Variants in GNB1L observed in about 807,000 individuals in gnomAD.
GNB1L encodes guanine nucleotide-binding protein subunit beta-like protein 1.
In GNB1L, 20 loss-of-function variants were observed where a neutral mutation model predicts 29.1. The observed-to-expected ratio is 0.69, with a 90% CI of 0.48 to 1.00. The LOEUF (loss-of-function observed/expected upper bound fraction) is 1.00. Among genes scored for constraint, GNB1L ranks in the 50% least tolerant of loss-of-function variants. The pLI is 0.00. For missense variants in GNB1L, 421 were observed against 464.9 expected (o/e 0.91, Z 0.87); for synonymous variants, 193 against 206.5 (o/e 0.93, Z 0.56).
rs1937642238 is a variant in GNB1L at position 19,828,831 on chromosome 22, TTTTC to T, written c.-20-7460_-20-7457del. Among the ~76,000 whole-genome samples, 6 of 149,798 alleles carry T rather than the reference TTTTC, an allele frequency of 4.0e-5. No homozygotes were observed. In the South Asian group the frequency reaches 1.3e-3, roughly 32 times the overall value. On this transcript the variant is annotated intron_variant, in intron 2 of 7. Transcript: ENST00000329517. ...ATTGGAGAATATGACATACTACTCT[TTTTC>T]TTTTTTTTTTTTTTGAGACAGAATC...
chr22:19,847,270 G>A (rs1190212250), intron 2 of GNB1L: 17 of 984,216 alleles, frequency 1.7e-5, no homozygotes, highest in South Asian at 4.7e-5. Context: ...AACTGTAGCC[G>A]CTGCGCTGTT....
intron 2 of GNB1L, among the ~76,000 whole-genome samples, chr22:19,833,349 A>G (rs974546884): frequency 6.6e-6 from 1 of 152,238 alleles, no homozygotes; most frequent in Non-Finnish European, 1.5e-5. Flanking sequence ...AACCAAACAA[A>G]TACGAATTTC....
intron 7 of GNB1L, among the ~76,000 whole-genome samples, chr22:19,790,622 A>G (rs948072753): frequency 1.3e-5 from 2 of 152,092 alleles, no homozygotes; most frequent in Non-Finnish European, 2.9e-5. Context: ...GGCTGTAGTA[A>G]GCTAAGATCA....
chr22:19,812,420 C>G lies in GNB1L; in HGVS notation c.282G>C (p.Leu94=). ...LSQGRDLKLC[L]WDLAEGRSAV... is the part of the protein sequence containing the mutation. ...CGCTCCTGCCCTCCGCGAGGTCCCA[C>G]AGGCACAGCTTCAGGTCCCGGCCCT... The change falls in exon 5 of 8, where the codon CTG becomes CTC. Residue 94 remains leucine, a synonymous_variant. Coordinates refer to ENST00000329517, the MANE Select transcript of GNB1L (RefSeq NM_053004.3). 1.2e-6 allele frequency: 2 copies of G among 1,613,280 alleles called. No homozygotes were observed. The highest frequency in any genetic ancestry group is 1.3e-5 in the African/African-American group (1 of 75,060).
chr22:19,845,784 A>G (rs867114021), intron 2 of GNB1L, among the ~76,000 whole-genome samples: 5 of 152,222 alleles, frequency 3.3e-5, no homozygotes, highest in Admixed American at 1.3e-4. Context: ...GGCCTGCACC[A>G]GGAGAGTGTG....
chr22:19,835,096 G>T (rs1048499818), intron 2 of GNB1L, among the ~76,000 whole-genome samples: 2 of 152,108 alleles, frequency 1.3e-5, no homozygotes, highest in African/African-American at 4.8e-5. Flanking sequence ...GCTAATAAGA[G>T]AACTTCAAAA....
chr22:19,848,802 G>A (rs1215714057), intron 2 of GNB1L: 1 of 985,504 alleles, frequency 1.0e-6, no homozygotes, highest in South Asian at 4.7e-5. Flanking sequence ...GGGTTCAAAA[G>A]AGAAGGCAGC....
At chr22:19,851,497 G>A (rs369074705) in intron 2 of GNB1L, 17 of 1,613,992 alleles carry the variant, frequency 1.1e-5, no homozygotes, top group African/African-American at 1.3e-5. Flanking sequence ...GCTGCTGCTC[G>A]AACAGAGCAC....
chr22:19,820,784 G>C (rs1937572247), intron 3 of GNB1L, 61 bp from the exon 4 acceptor site: 3 of 1,555,310 alleles, frequency 1.9e-6, no homozygotes, highest in African/African-American at 2.7e-5. Context: ...ATGCTCTGGG[G>C]CCAGCCTGGA....
Position 19,806,691 on chromosome 22 carries a change from G to A in GNB1L, c.484C>T (p.Leu162=), listed in dbSNP as rs149048181. 2 of 1,613,242 alleles carry A rather than the reference G, an allele frequency of 1.2e-6. No homozygotes were observed. The highest frequency in any genetic ancestry group is 1.7e-6 in the Non-Finnish European group (2 of 1,179,708). ...CALKPKADAK[L]GMPMCLRLWQ... The stretch of plus-strand genomic sequence containing the variant: ...AGCCGCAGGCACATGGGCATGCCCA[G>A]CTTGGCATCTGCCTTCGGCTTCAGG... The change falls in exon 6 of 8, where the codon CTG becomes TTG. Residue 162 remains leucine (L), a synonymous_variant. Coordinates refer to ENST00000329517, the MANE Select transcript of GNB1L (RefSeq NM_053004.3).
intron 2 of GNB1L, chr22:19,850,910 G>A (rs541280494): frequency 5.9e-6 from 8 of 1,361,026 alleles, no homozygotes; most frequent in African/African-American, 5.8e-5. Context: ...TGGGTGAGAC[G>A]GCACTCCCAG....
At chr22:19,810,056 C>A (rs1045230178) in intron 5 of GNB1L, among the ~76,000 whole-genome samples, 2 of 152,240 alleles carry the variant, frequency 1.3e-5, no homozygotes, top group African/African-American at 4.8e-5. Context: ...TTTTTGCACT[C>A]CTCTGTGCCA....
In GNB1L at chr22:19,805,502, G is replaced by A. The variant is rs114539462; in HGVS notation, c.516+1157C>T. ...CCAAACAGAAAAGGAGGGTGCCTGGGCCGGGCGCGGTGGCTCACGCCTGTA... is the reference window on the plus strand; with the variant it reads ...CCAAACAGAAAAGGAGGGTGCCTGGACCGGGCGCGGTGGCTCACGCCTGTA... On this transcript the variant is annotated intron_variant, in intron 6 of 7. Coordinates refer to ENST00000329517, the MANE Select transcript of GNB1L (RefSeq NM_053004.3). 2.9e-3 allele frequency among the ~76,000 whole-genome samples: 445 copies of A among 151,368 alleles called. 4 individuals are homozygous for A. Among genetic ancestry groups the A allele is most frequent in the African/African-American group, 9.5e-3 (391 of 41,236 alleles).
chr22:19,831,421 AT>A (rs1348293363), intron 2 of GNB1L, among the ~76,000 whole-genome samples: 1 of 151,398 alleles, frequency 6.6e-6, no homozygotes, highest in Admixed American at 6.6e-5. Flanking sequence ...AAAAATAAAA[AT>A]TTTTCATGCC....
rs114062965 is a variant in GNB1L at position 19,842,699 on chromosome 22, G to C, written c.-21+11744C>G. On this transcript the variant is annotated intron_variant, in intron 2 of 7. Transcript: ENST00000329517. ...CCCTATCCTGTTACCTGCCACTCAC[G>C]GCCACAAAGGACCAGAAACCCTCCC... 4.7e-3 allele frequency among the ~76,000 whole-genome samples: 714 copies of C among 152,298 alleles called. 5 individuals carry two copies. The highest frequency in any genetic ancestry group is 0.017 in the African/African-American group (688 of 41,568).
At chr22:19,800,912 G>A (rs970130149) in intron 7 of GNB1L, among the ~76,000 whole-genome samples, 1 of 152,208 alleles carries the variant, frequency 6.6e-6, no homozygotes, top group Non-Finnish European at 1.5e-5. Context: ...TGACGGACCC[G>A]AGGTGAACCC....
At position 19,787,573 on chromosome 22, in the gene GNB1L, G is replaced by A. The variant is rs943909407; in HGVS notation, c.*1136C>T. 6 of 152,332 alleles carry A rather than the reference G, an allele frequency of 3.9e-5. No individual in the cohort carries two copies. The highest frequency in any genetic ancestry group is 2.6e-4 in the Admixed American group (4 of 15,294). The allele number at this position is 152,332 out of a possible 1,614,324, so 9.4% of individuals were successfully genotyped here. A position where few individuals can be genotyped will look rare whatever the true frequency, so the allele number is the denominator to read the frequency against. ...CTCATCCTGGGGGTCTGCTGGACTC[G>A]AGTCTAGTTCTAGGACTAGAAGCCC... is the stretch of plus-strand genomic sequence containing the variant. On this transcript the variant is annotated 3_prime_UTR_variant, in exon 8 of 8. Coordinates refer to ENST00000329517, the MANE Select transcript of GNB1L (RefSeq NM_053004.3).
At chr22:19,804,540 T>C (rs182181026) in intron 6 of GNB1L, among the ~76,000 whole-genome samples, 508 of 151,746 alleles carry the variant, frequency 3.3e-3, no homozygotes, top group Non-Finnish European at 4.5e-3. Context: ...AAGAATATAC[T>C]AAAAATTAAA....
intron 7 of GNB1L, among the ~76,000 whole-genome samples, chr22:19,798,021 T>C (rs1487008694): frequency 6.6e-6 from 1 of 152,118 alleles, no homozygotes; most frequent in African/African-American, 2.4e-5. Context: ...CACACAGCCA[T>C]TGGTTGGCAA....
Sources: allele counts gnomAD v4.1 joint callset (sites outside exome capture counted in the v4.1 genomes callset), GRCh38; gene constraint gnomAD v4.1.1; transcripts MANE v1.5; gene names NCBI Gene and HGNC (gene_info 2026-07-23, HGNC 2026-07-21).